Variants in TTC28 observed in about 807,000 individuals in gnomAD.
The protein encoded by TTC28 is tetratricopeptide repeat protein 28.
A neutral mutation model predicts 198.0 loss-of-function variants in TTC28; 61 were observed. That is an observed-to-expected ratio of 0.31 (90% CI 0.25 to 0.38). The LOEUF is 0.38. Among genes scored for constraint, TTC28 ranks in the 10% least tolerant of loss-of-function variants. The pLI, the probability that TTC28 is intolerant of heterozygous loss-of-function variation, is 1.00. For missense variants in TTC28, 2,678 were observed against 3,164.0 expected (o/e 0.85, Z 3.69); for synonymous variants, 1,171 against 1,297.8 (o/e 0.90, Z 2.10).
chr22:28,107,064 G>C lies in TTC28; in HGVS notation c.2781C>G (p.His927Gln). ...CAATTGTCCTTGGTCATTTTTACCTGTGTCCATTTCCCAGGCCCCGGTAAG... is the reference window on the plus strand; with the variant it reads ...CAATTGTCCTTGGTCATTTTTACCTCTGTCCATTTCCCAGGCCCCGGTAAG... ...AKAYRGLGNGHRAMGSLQQAL... is the reference protein window; with the variant it reads ...AKAYRGLGNGQRAMGSLQQAL... Residue 927 changes from histidine to glutamine, a missense_variant and splice_region_variant, in exon 7 of 23, where the codon CAC (histidine) becomes CAG (glutamine). Around this residue, in one of 8 missense-constraint regions of TTC28, gnomAD observed 775 missense variants for 845.9 expected, o/e 0.92. Transcript: ENST00000397906. The C allele has an allele frequency of 6.5e-7, 1 of 1,545,382 alleles. No homozygotes were observed. Among genetic ancestry groups the C allele is most frequent in the Non-Finnish European group, 8.8e-7 (1 of 1,142,684 alleles).
chr22:28,426,575 G>T (rs1457481266), intron 2 of TTC28, among the ~76,000 whole-genome samples: 4 of 152,054 alleles, frequency 2.6e-5, no homozygotes, highest in Non-Finnish European at 5.9e-5. Flanking sequence ...TAGTTCCTAA[G>T]GAACTAGGAA....
intron 2 of TTC28, among the ~76,000 whole-genome samples, chr22:28,412,032 T>C (rs917713535): frequency 6.6e-6 from 1 of 152,234 alleles, no homozygotes; most frequent in Non-Finnish European, 1.5e-5. Context: ...GAACAAAGAA[T>C]AGTAAGGCAA....
chr22:28,159,988 T>A (rs1347854068), intron 6 of TTC28, among the ~76,000 whole-genome samples: 1 of 152,168 alleles, frequency 6.6e-6, no homozygotes, highest in Non-Finnish European at 1.5e-5. Context: ...CTCACTTATT[T>A]GTGGGATCTA....
intron 1 of TTC28, among the ~76,000 whole-genome samples, chr22:28,661,737 T>C (rs989258604): frequency 7.9e-5 from 12 of 152,082 alleles, no homozygotes; most frequent in Non-Finnish European, 1.6e-4. Flanking sequence ...GCTTCCCAAG[T>C]AGCTGGGATT....
chr22:28,180,882 A>G (rs1923630280), intron 5 of TTC28, among the ~76,000 whole-genome samples: 1 of 152,218 alleles, frequency 6.6e-6, no homozygotes, highest in South Asian at 2.1e-4. Flanking sequence ...TATGTGCTCA[A>G]TAGCTGGTGT....
At chr22:28,524,017 T>C (rs1300134811) in intron 2 of TTC28, among the ~76,000 whole-genome samples, 1 of 152,090 alleles carries the variant, frequency 6.6e-6, no homozygotes, top group Non-Finnish European at 1.5e-5. Context: ...GAAGGCAAAG[T>C]AGTACTTAGT....
intron 2 of TTC28, among the ~76,000 whole-genome samples, chr22:28,457,819 A>G (rs1325105653): frequency 6.6e-6 from 1 of 152,138 alleles, no homozygotes; most frequent in Non-Finnish European, 1.5e-5. Context: ...TAATCATGTC[A>G]ACTTCCAAGA....
chr22:28,530,975 T>C (rs1445712923), intron 2 of TTC28, among the ~76,000 whole-genome samples: 9 of 152,260 alleles, frequency 5.9e-5, no homozygotes, highest in Non-Finnish European at 1.2e-4. Flanking sequence ...TAAAGACCAT[T>C]GATGCTAGGA....
chr22:27,983,894 A>C (rs1264108944), intron 22 of TTC28, 43 bp from the exon 23 acceptor site: 2 of 1,505,598 alleles, frequency 1.3e-6, no homozygotes, highest in African/African-American at 2.8e-5. Flanking sequence ...TTAGAATTCT[A>C]TATGGTTTTG....
intron 13 of TTC28, among the ~76,000 whole-genome samples, chr22:28,022,286 G>A (rs982802717): frequency 6.6e-6 from 1 of 152,302 alleles, no homozygotes; most frequent in Non-Finnish European, 1.5e-5. Context: ...CCTGTCCCCA[G>A]GTCAGAGTTC....
intron 2 of TTC28, among the ~76,000 whole-genome samples, chr22:28,606,874 T>C (rs981236528): frequency 6.6e-6 from 1 of 152,176 alleles, no homozygotes; most frequent in Non-Finnish European, 1.5e-5. Flanking sequence ...GAAGTGCCCA[T>C]TGCCTTTGAT....
At chr22:28,204,766 A>C (rs1295208838) in intron 5 of TTC28, among the ~76,000 whole-genome samples, 1 of 152,184 alleles carries the variant, frequency 6.6e-6, no homozygotes, top group African/African-American at 2.4e-5. Flanking sequence ...TGGGATATTA[A>C]TTATGATAAA....
At chr22:28,243,671 T>C (rs1232076662) in intron 5 of TTC28, among the ~76,000 whole-genome samples, 1 of 152,134 alleles carries the variant, frequency 6.6e-6, no homozygotes, top group Non-Finnish European at 1.5e-5. Context: ...AGATAGCTAC[T>C]GTAAGCCTCA....
intron 2 of TTC28, among the ~76,000 whole-genome samples, chr22:28,339,429 G>C (rs1405225838): frequency 1.3e-5 from 2 of 152,162 alleles, no homozygotes; most frequent in African/African-American, 2.4e-5. Context: ...GTCAGACAGG[G>C]ACATTTAAGT....
At chr22:28,387,732 T>C (rs1356849071) in intron 2 of TTC28, among the ~76,000 whole-genome samples, 1 of 152,254 alleles carries the variant, frequency 6.6e-6, no homozygotes, top group African/African-American at 2.4e-5. Context: ...TCATTGTAGA[T>C]TCTGGATATT....
chr22:28,114,407 C>A (rs1485573179), intron 6 of TTC28, among the ~76,000 whole-genome samples: 1 of 152,132 alleles, frequency 6.6e-6, no homozygotes, highest in South Asian at 2.1e-4. Flanking sequence ...AGGTGACAGA[C>A]CTGGTTAGTA....
chr22:28,397,184 G>A (rs960847864), intron 2 of TTC28, among the ~76,000 whole-genome samples: 4 of 152,132 alleles, frequency 2.6e-5, no homozygotes, highest in African/African-American at 9.7e-5. Context: ...TCATTAACTA[G>A]TAAGATAAAG....
intron 14 of TTC28, among the ~76,000 whole-genome samples, 175 bp downstream of exon 14, chr22:28,014,073 C>T (rs1322625087): frequency 6.6e-6 from 1 of 152,086 alleles, no homozygotes; most frequent in African/African-American, 2.4e-5. Flanking sequence ...AGTCTGTGCT[C>T]CACCTTATTT....
intron 2 of TTC28, among the ~76,000 whole-genome samples, chr22:28,530,953 C>T (rs1164908120): frequency 6.6e-6 from 1 of 152,180 alleles, no homozygotes; most frequent in Non-Finnish European, 1.5e-5. Context: ...ACTGCAAAAA[C>T]ATGCCAAACT....
Sources: allele counts gnomAD v4.1 joint callset (sites outside exome capture counted in the v4.1 genomes callset), GRCh38; gene constraint gnomAD v4.1.1; regional missense constraint gnomAD v4.1.1; transcripts MANE v1.5; gene names NCBI Gene and HGNC (gene_info 2026-07-23, HGNC 2026-07-21).